Variants in GALNT18 observed in about 807,000 individuals in gnomAD.
GALNT18 encodes the protein GalNAc-transferase 18.
In GALNT18, 44 loss-of-function variants were observed where a neutral mutation model predicts 69.5. The ratio of observed to expected loss-of-function variants is 0.63; its 90% CI spans 0.50 to 0.81. The LOEUF (loss-of-function observed/expected upper bound fraction) is 0.81. Ranked by LOEUF, GALNT18 falls within the 40% of genes least tolerant of loss-of-function variation. The pLI is 0.00. For synonymous variants in GALNT18, 364 were observed against 318.2 expected (o/e 1.14, Z -1.53); for missense variants, 715 against 810.0 (o/e 0.88, Z 1.42).
At chr11:11,286,666 G>A (rs536997227) in intron 10 of GALNT18, among the ~76,000 whole-genome samples, 1 of 152,246 alleles carries the variant, frequency 6.6e-6, no homozygotes, top group South Asian at 2.1e-4. Context: ...ACAGCATGCT[G>A]GGTGCTGCCT....
Position 11,448,033 on chromosome 11 carries a change from C to T in GALNT18, c.428+711G>A, listed in dbSNP as rs370278600. The stretch of plus-strand genomic sequence containing the variant: ...TAACCATACCCAATTATACAGTATA[C>T]AGCAGGTGTTCAATGAATGTCTGTG... On this transcript the variant is annotated intron_variant, in intron 2 of 10. Transcript: ENST00000227756. 2.6e-5 allele frequency among the ~76,000 whole-genome samples: 4 copies of T among 152,348 alleles called. No individual in the cohort carries two copies. The East Asian group carries it at 7.7e-4, about 29-fold the overall frequency.
At chr11:11,274,483 C>G (rs899489981) in intron 10 of GALNT18, among the ~76,000 whole-genome samples, 15 of 152,178 alleles carry the variant, frequency 9.9e-5, no homozygotes, top group African/African-American at 3.6e-4. Flanking sequence ...TGAGGTTGAC[C>G]TGGGATGCTC....
At chr11:11,458,896 C>T (rs1263948321) in intron 1 of GALNT18, among the ~76,000 whole-genome samples, 2 of 152,228 alleles carry the variant, frequency 1.3e-5, no homozygotes, top group Non-Finnish European at 2.9e-5. Context: ...AGACAGGAAG[C>T]CTTGGCCTAA....
At chr11:11,386,660 T>A (rs1410714472) in intron 3 of GALNT18, among the ~76,000 whole-genome samples, 1 of 152,212 alleles carries the variant, frequency 6.6e-6, no homozygotes, top group Non-Finnish European at 1.5e-5. Context: ...TTATTCTAAG[T>A]ATTTGGTATA....
chr11:11,370,971 T>C (rs1213553383), intron 6 of GALNT18, among the ~76,000 whole-genome samples: 2 of 152,166 alleles, frequency 1.3e-5, no homozygotes, highest in African/African-American at 4.8e-5. Flanking sequence ...AAATGGGGAA[T>C]AAATGGCCAA....
chr11:11,621,388 A>T lies in GALNT18; in HGVS notation c.206T>A (p.Leu69Gln). ...AATGTGCTGCTTGATGACATTCTCC[A>T]GGTGGTCCAGCCGCTCAATAATCTT... ...TLKIIERLDH[L>Q]ENVIKQHIQE... is the part of the protein sequence containing the mutation. Residue 69 changes from leucine (L) to glutamine (Q), a missense_variant, in exon 1 of 11, where the codon CTG becomes CAG. Transcript: ENST00000227756. The surrounding 1 kb of genome is among the most constrained non-coding windows in gnomAD (Gnocchi z 9.3). 1.9e-6 allele frequency: 3 copies of T among 1,613,984 alleles called. No individual in the cohort carries two copies. Among genetic ancestry groups the T allele is most frequent in the Non-Finnish European group, 2.5e-6 (3 of 1,179,980 alleles).
chr11:11,608,860 A>C (rs1343000295), intron 1 of GALNT18, among the ~76,000 whole-genome samples: 1 of 152,134 alleles, frequency 6.6e-6, no homozygotes, highest in South Asian at 2.1e-4. Flanking sequence ...TGCCCTCTCC[A>C]AATCTTTCTT....
rs891563527 is a variant in GALNT18 at position 11,600,190 on chromosome 11, GT to G, written c.235+21168del. The stretch of plus-strand genomic sequence containing the variant: ...AGGAGGAGAAATATACAAATACGTT[GT>G]TTTTTATAATGGCTTATATAATTAC... On this transcript the variant is annotated intron_variant, in intron 1 of 10. Transcript: ENST00000227756. The surrounding 1 kb of genome is among the most constrained non-coding windows in gnomAD (Gnocchi z 4.8). Among the ~76,000 whole-genome samples the G allele has an allele frequency of 6.6e-6, 1 of 151,956 alleles. No individual in the cohort carries two copies. Among genetic ancestry groups the G allele is most frequent in the African/African-American group, 2.4e-5 (1 of 41,404 alleles).
Position 11,564,055 on chromosome 11 carries a change from T to TG in GALNT18, c.235+57303dup, listed in dbSNP as rs1355840941. 9.5e-4 allele frequency among the ~76,000 whole-genome samples: 144 copies of TG among 152,326 alleles called. 1 individual carries two copies. The highest frequency in any genetic ancestry group is 3.2e-3 in the African/African-American group (131 of 41,560). On this transcript the variant is annotated intron_variant, in intron 1 of 10. Coordinates refer to ENST00000227756, the MANE Select transcript of GALNT18 (RefSeq NM_198516.3). The surrounding 1 kb of genome is among the most constrained non-coding windows in gnomAD (Gnocchi z 4.3). ...CTAGTGAGGCACCATGCTAAATGAA[T>TG]GTCAGCTTGTTTAACTCTTACAAGA...
chr11:11,313,078 G>T (rs1004965024), intron 9 of GALNT18, among the ~76,000 whole-genome samples: 1 of 152,214 alleles, frequency 6.6e-6, no homozygotes, highest in Admixed American at 6.5e-5. Context: ...CTGCCCTAAA[G>T]AAGCAGGCTT....
At chr11:11,305,949 G>A (rs1407403175) in intron 9 of GALNT18, among the ~76,000 whole-genome samples, 1 of 152,018 alleles carries the variant, frequency 6.6e-6, no homozygotes, top group East Asian at 1.9e-4. Flanking sequence ...TGCCTGCCTC[G>A]TACCCCTTAC....
rs1318670516 is a variant in GALNT18 at position 11,602,909 on chromosome 11, G to T, written c.235+18450C>A. On this transcript the variant is annotated intron_variant, in intron 1 of 10. Coordinates refer to ENST00000227756, the MANE Select transcript of GALNT18 (RefSeq NM_198516.3). This position sits in a 1 kb window ranked among gnomAD's most constrained non-coding sequence, Gnocchi z 4.7. ...TGCTTCCAGGTACAGGAGTCAAAAT[G>T]GGTGGTAAACTTGGGAAATACTAGA... 6.6e-6 allele frequency among the ~76,000 whole-genome samples: 1 copy of T among 152,160 alleles called. No homozygotes were observed. The highest frequency in any genetic ancestry group is 2.4e-5 in the African/African-American group (1 of 41,430).
intron 1 of GALNT18, among the ~76,000 whole-genome samples, chr11:11,524,590 A>C (rs1032543627): frequency 1.3e-5 from 2 of 152,210 alleles, no homozygotes; most frequent in Non-Finnish European, 2.9e-5. Context: ...TTGGTCCTTC[A>C]GCCTGTGCCT....
At position 11,290,495 on chromosome 11, in the gene GALNT18, C is replaced by G. The variant is rs184251232; in HGVS notation, c.1677+2534G>C. Among the ~76,000 whole-genome samples the G allele has an allele frequency of 1.9e-3, 284 of 152,300 alleles. 3 individuals carry two copies. Among genetic ancestry groups the G allele is most frequent in the African/African-American group, 6.4e-3 (268 of 41,560 alleles). On this transcript the variant is annotated intron_variant, in intron 10 of 10. Coordinates refer to ENST00000227756, the MANE Select transcript of GALNT18 (RefSeq NM_198516.3). ...GGCCTAGCCCAGTTGGCCTTCCAGA[C>G]TCTTCAGCCGCTCCCCACTGTGCCC...
chr11:11,357,068 T>C (rs949497537), intron 6 of GALNT18, among the ~76,000 whole-genome samples: 1 of 152,004 alleles, frequency 6.6e-6, no homozygotes, highest in Non-Finnish European at 1.5e-5. Context: ...GGCAGACCAA[T>C]TGGTTCTAGA....
In GALNT18 at chr11:11,555,458, A is replaced by C. The variant is rs546529857; in HGVS notation, c.235+65901T>G. 3.9e-5 allele frequency among the ~76,000 whole-genome samples: 6 copies of C among 152,306 alleles called. No homozygotes were observed. The South Asian group carries it at 8.3e-4, about 21-fold the overall frequency. On this transcript the variant is annotated intron_variant, in intron 1 of 10. Transcript: ENST00000227756. The surrounding 1 kb of genome is among the most constrained non-coding windows in gnomAD (Gnocchi z 4.7). ...CACGTGCCAGCAGGCGTGCAGCTTA[A>C]AACACAGGTCTGGCGTGAGTCTCCT... is the stretch of plus-strand genomic sequence containing the variant.
At chr11:11,428,059 C>T (rs1055141956) in intron 3 of GALNT18, among the ~76,000 whole-genome samples, 9 of 152,364 alleles carry the variant, frequency 5.9e-5, no homozygotes, top group African/African-American at 2.2e-4. Context: ...ATCCATCACC[C>T]TCTTCCTTCC....
chr11:11,325,333 A>T (rs1006338472), intron 9 of GALNT18, among the ~76,000 whole-genome samples: 15 of 152,298 alleles, frequency 9.8e-5, no homozygotes, highest in African/African-American at 3.1e-4. Context: ...CATAAGAATG[A>T]CATAATGGAT....
In GALNT18 at chr11:11,461,961, C is replaced by T. The variant is rs1440318110; in HGVS notation, c.236-13025G>A. 6.6e-6 allele frequency among the ~76,000 whole-genome samples: 1 copy of T among 152,224 alleles called. No homozygotes were observed. Among genetic ancestry groups the T allele is most frequent in the Non-Finnish European group, 1.5e-5 (1 of 68,038 alleles). The stretch of plus-strand genomic sequence containing the variant: ...TCATGTGCTCCCCTGTCTCAAACAG[C>T]CTCTCCCAGGAAGCCTGCCTGTTTC... On this transcript the variant is annotated intron_variant, in intron 1 of 10. Transcript: ENST00000227756. The surrounding 1 kb of genome is among the most constrained non-coding windows in gnomAD (Gnocchi z 4.1).
Sources: gnomAD v4.1 joint callset for allele counts (sites outside exome capture counted in the v4.1 genomes callset) on GRCh38, gnomAD v4.1.1 for gene constraint, Gnocchi (gnomAD v3.1) non-coding constraint, MANE v1.5 for transcripts, NCBI Gene and HGNC (gene_info 2026-07-23, HGNC 2026-07-21) for gene names.